The following ZDHHC11 variants were observed in gnomAD, a reference collection of about 807,000 sequenced individuals.
The protein encoded by ZDHHC11 is zDHHC palmitoyltransferase 11, also known as palmitoyltransferase ZDHHC11.
Under a neutral mutation model 51.3 loss-of-function variants are expected in ZDHHC11, and 44 were observed. The ratio of observed to expected loss-of-function variants is 0.86; its 90% CI spans 0.67 to 1.10. ZDHHC11 has a LOEUF of 1.10. Ranked by LOEUF, ZDHHC11 falls within the 50% of genes least tolerant of loss-of-function variation. ZDHHC11 has a pLI of 0.00. For missense variants in ZDHHC11, 400 were observed against 537.7 expected, an observed-to-expected ratio of 0.74 and a Z score of 2.53; for synonymous variants, 163 against 222.0, an observed-to-expected ratio of 0.73 and a Z score of 2.36.
In ZDHHC11 at chr5:811,529, G is replaced by A. The variant is rs1256766315; in HGVS notation, c.1181+3232C>T. Among the ~76,000 whole-genome samples the A allele has an allele frequency of 6.8e-4, 100 of 147,848 alleles. 3 individuals carry two copies. The highest frequency in any genetic ancestry group is 1.1e-3 in the Non-Finnish European group (74 of 67,432). On this transcript the variant is annotated intron_variant, in intron 11 of 12. Transcript: ENST00000283441. ...GCCTTCCCTGGCCTGGAACTCTGGC[G>A]CTGCCCCCAGCACGTTTCCGTGAAG...
chr5:829,446 T>A (rs1463418137), intron 7 of ZDHHC11, among the ~76,000 whole-genome samples: 1 of 151,850 alleles, frequency 6.6e-6, no homozygotes, highest in Non-Finnish European at 1.5e-5. Flanking sequence ...CTAGATTAAA[T>A]CAGGAAGAAA....
At chr5:843,904 GGGCAGGGACA>G (rs1745581205) in intron 3 of ZDHHC11, among the ~76,000 whole-genome samples, 180 bp from the exon 4 acceptor site, 8 of 116,148 alleles carry the variant, frequency 6.9e-5, no homozygotes, top group Admixed American at 5.8e-4. Flanking sequence ...GGGGAGGCAG[GGGCAGGGACA>G]CGCAGGGCAT....
chr5:849,361 G>A (rs1746791927), intron 1 of ZDHHC11, among the ~76,000 whole-genome samples: 1 of 152,132 alleles, frequency 6.6e-6, no homozygotes, highest in Non-Finnish European at 1.5e-5. Context: ...CCACAGGAGG[G>A]ACATCCCAGG....
At chr5:814,480 G>C (rs408228) in intron 11 of ZDHHC11, among the ~76,000 whole-genome samples, 51 of 150,312 alleles carry the variant, frequency 3.4e-4, no homozygotes, top group South Asian at 1.5e-3. Flanking sequence ...CATTCAGGCT[G>C]ACAACATTAC....
chr5:846,175 C>A (rs1746125494), intron 3 of ZDHHC11, among the ~76,000 whole-genome samples: 5 of 150,954 alleles, frequency 3.3e-5, no homozygotes, highest in African/African-American at 7.4e-5. Flanking sequence ...GGTCATGCAA[C>A]CTCTCTGTCC....
rs2150457890 is a variant in ZDHHC11 at position 848,622 on chromosome 5, G to A, written c.261C>T (p.His87=). 1.3e-6 allele frequency: 2 copies of A among 1,559,968 alleles called. No individual in the cohort carries two copies. The highest frequency in any genetic ancestry group is 2.3e-5 in the East Asian group (1 of 44,388). Residue 87 remains histidine (H), a synonymous_variant, in exon 2 of 13, where the codon CAC becomes CAT. Transcript: ENST00000283441. The part of the protein sequence containing the change: ...GGIFSFHLVV[H]LIASCIDPAD... ...CCGGGTCGATGCAGGACGCGATCAG[G>A]TGGACGACGAGGTGGAACGAGAAGA...
chr5:852,259 G>A (rs1248119185), upstream of ZDHHC11, among the ~76,000 whole-genome samples: 1 of 152,204 alleles, frequency 6.6e-6, no homozygotes, highest in African/African-American at 2.4e-5. Flanking sequence ...AGATCTTAGA[G>A]AGGAGAAGAG....
In ZDHHC11 at chr5:841,481, C is replaced by G. The variant is rs372246013; in HGVS notation, c.629-831G>C. On this transcript the variant is annotated intron_variant, in intron 4 of 12. Transcript: ENST00000283441. ...GTGCCCACCCCTTCCTCACTAAGTG[C>G]CAGGGTCACAGCACCCATCCCTTCC... 21 of 990,898 alleles carry G rather than the reference C, an allele frequency of 2.1e-5. No homozygotes were observed. In the African/African-American group the frequency reaches 3.4e-4, roughly 16 times the overall value. 61.4% of individuals were successfully genotyped at this position (990,898 alleles called of 1,614,324 possible).
At chr5:807,511 G>A (rs1739445074) in intron 11 of ZDHHC11, among the ~76,000 whole-genome samples, 1 of 151,380 alleles carries the variant, frequency 6.6e-6, no homozygotes, top group Non-Finnish European at 1.5e-5. Context: ...AAGGAAGCAG[G>A]TCACTCACAG....
chr5:834,792 A>C (rs114452110), intron 6 of ZDHHC11, among the ~76,000 whole-genome samples: 2,618 of 141,556 alleles, frequency 0.018, 13 homozygotes, highest in African/African-American at 0.064. Context: ...GCTTTTAGCA[A>C]TAAAGCACTT....
chr5:859,126 A>G (rs1434719768), upstream of ZDHHC11, among the ~76,000 whole-genome samples: 1 of 152,048 alleles, frequency 6.6e-6, no homozygotes, highest in African/African-American at 2.4e-5. Context: ...TAATGCATGC[A>G]GTGGTCCATT....
At chr5:855,606 G>A (rs73730978), upstream of ZDHHC11, among the ~76,000 whole-genome samples, 4,251 of 147,576 alleles carry the variant, frequency 0.029, 189 homozygotes, top group African/African-American at 0.098. Flanking sequence ...AGTGAGCAGC[G>A]GGGACAGACC....
intron 4 of ZDHHC11, chr5:841,985 C>T: frequency 6.1e-6 from 6 of 988,876 alleles, no homozygotes; most frequent in Non-Finnish European, 7.2e-6. Context: ...CCGGGCTGGA[C>T]CCCATGCTGC....
At chr5:800,996 A>T in intron 12 of ZDHHC11, 104 bp downstream of exon 12, 1 of 1,350,890 alleles carries the variant, frequency 7.4e-7, no homozygotes, top group Non-Finnish European at 1.0e-6. Flanking sequence ...CAAGCAGCCC[A>T]GCCCTTGAGT....
At chr5:854,039 C>G (rs1747736424), upstream of ZDHHC11, among the ~76,000 whole-genome samples, 1 of 146,608 alleles carries the variant, frequency 6.8e-6, no homozygotes, top group African/African-American at 2.6e-5. Flanking sequence ...ACAGACCGCA[C>G]AGAGGACAGT....
rs539328273 is a variant in ZDHHC11 at position 801,038 on chromosome 5, C to T, written c.*7+62G>A. On this transcript the variant is annotated intron_variant, in intron 12 of 12. Coordinates refer to ENST00000283441, the MANE Select transcript of ZDHHC11 (RefSeq NM_024786.3). Reference sequence around the variant, plus strand: ...TGGTGATTTTTTAAAGAAGATATTTCACTCTCTAGAGAACCAAACTTGGGT... The same window carrying T: ...TGGTGATTTTTTAAAGAAGATATTTTACTCTCTAGAGAACCAAACTTGGGT... 4.0e-4 allele frequency: 638 copies of T among 1,587,888 alleles called. 14 individuals carry two copies. In the African/African-American group the frequency reaches 7.3e-3, roughly 18 times the overall value.
intron 1 of ZDHHC11, 91 bp from the exon 2 acceptor site, chr5:848,751 C>T (rs1293441729): frequency 5.9e-6 from 9 of 1,535,256 alleles, no homozygotes; most frequent in East Asian, 2.4e-5. Flanking sequence ...GAGGCGTGGC[C>T]GCTGGTCAGC....
intron 3 of ZDHHC11, among the ~76,000 whole-genome samples, chr5:844,670 T>G (rs1331739122): frequency 1.3e-5 from 2 of 152,308 alleles, no homozygotes; most frequent in Non-Finnish European, 2.9e-5. Context: ...CTCAGGGACC[T>G]GGATCTCTGC....
At chr5:802,484 T>C (rs1286148625) in intron 11 of ZDHHC11, among the ~76,000 whole-genome samples, 1 of 147,876 alleles carries the variant, frequency 6.8e-6, no homozygotes, top group Non-Finnish European at 1.5e-5. Flanking sequence ...AGAATGTAGA[T>C]AATTGTGTTG....
Sources: allele counts gnomAD v4.1 joint callset (sites outside exome capture counted in the v4.1 genomes callset), GRCh38; gene constraint gnomAD v4.1.1; transcripts MANE v1.5; gene names NCBI Gene and HGNC (gene_info 2026-07-23, HGNC 2026-07-21).